Variants in ASTN2 observed in about 807,000 individuals in gnomAD.
The protein encoded by ASTN2 is astrotactin 2.
ASTN2 carries 54 observed loss-of-function variants against 139.8 expected under a neutral mutation model. That is an observed-to-expected ratio of 0.39 (90% CI 0.31 to 0.48). The LOEUF (loss-of-function observed/expected upper bound fraction) is 0.48. Ranked by LOEUF, ASTN2 falls within the 20% of genes least tolerant of loss-of-function variation. ASTN2 has a pLI of 0.95. For synonymous variants in ASTN2, 756 were observed against 719.5 expected (o/e 1.05, Z -0.81); for missense variants, 1,565 against 1,725.1 (o/e 0.91, Z 1.64).
chr9:117,201,338 A>C (rs1831710528), intron 3 of ASTN2, among the ~76,000 whole-genome samples: 1 of 151,904 alleles, frequency 6.6e-6, no homozygotes, highest in African/African-American at 2.4e-5. Flanking sequence ...GGATTCGTTC[A>C]GTTTTTGGAG....
At chr9:116,987,081 C>T (rs1836707814) in intron 7 of ASTN2, among the ~76,000 whole-genome samples, 1 of 152,222 alleles carries the variant, frequency 6.6e-6, no homozygotes, top group Non-Finnish European at 1.5e-5. Context: ...TGAGTTCCAA[C>T]CCACCCAGTG....
At chr9:116,507,508 C>G (rs966634608) in intron 19 of ASTN2, among the ~76,000 whole-genome samples, 2 of 152,154 alleles carry the variant, frequency 1.3e-5, no homozygotes. Flanking sequence ...AGTTGGTGGG[C>G]AGCCTGTTTG....
intron 4 of ASTN2, among the ~76,000 whole-genome samples, chr9:117,139,261 A>T (rs1830018786): frequency 6.6e-6 from 1 of 152,208 alleles, no homozygotes; most frequent in Non-Finnish European, 1.5e-5. Context: ...TGAACTTTCC[A>T]AGGTGGTCTA....
Position 116,784,419 on chromosome 9 carries a change from C to G in ASTN2, c.2396+21213G>C, listed in dbSNP as rs190675000. Among the ~76,000 whole-genome samples the G allele has an allele frequency of 1.6e-3, 247 of 152,294 alleles. 2 individuals are homozygous for G. The highest frequency in any genetic ancestry group is 3.4e-3 in the African/African-American group (143 of 41,566). On this transcript the variant is annotated intron_variant, in intron 13 of 22. Transcript: ENST00000313400. ...GTCCACAGACATGTTCAGTAAATAG[C>G]AAATATTGTCATCATTAATATTATT...
At chr9:117,291,639 C>T in intron 1 of ASTN2, 126 bp from the exon 2 acceptor site, 1 of 733,912 alleles carries the variant, frequency 1.4e-6, no homozygotes, top group African/African-American at 1.8e-5. Flanking sequence ...CCTTTCCTCA[C>T]ATCAAGTCTA....
At chr9:117,116,883 G>A (rs1431449006) in intron 4 of ASTN2, among the ~76,000 whole-genome samples, 6 of 128,234 alleles carry the variant, frequency 4.7e-5, no homozygotes, top group African/African-American at 8.8e-5. Context: ...CCCATTCATC[G>A]TTTAATTAGG....
chr9:116,590,259 T>TC (rs1854326048), intron 19 of ASTN2, among the ~76,000 whole-genome samples: 1 of 152,102 alleles, frequency 6.6e-6, no homozygotes, highest in African/African-American at 2.4e-5. Context: ...ATCACCCCCT[T>TC]CCCCCACAGG....
rs778383712 is a variant in ASTN2 at position 117,346,209 on chromosome 9, AG to A, written c.443-54697del. On this transcript the variant is annotated intron_variant, in intron 1 of 22. Transcript: ENST00000313400. ...CACCCTGTTATTCCATCAAGGTTTT[AG>A]TTACTTTTTTAAAAGGATTTGCATA... Among the ~76,000 whole-genome samples, 4 of 152,110 alleles carry A rather than the reference AG, an allele frequency of 2.6e-5. 1 individual carries two copies. Among genetic ancestry groups the A allele is most frequent in the Admixed American group, 2.6e-4 (4 of 15,254 alleles).
intron 1 of ASTN2, among the ~76,000 whole-genome samples, chr9:117,367,187 T>G (rs995426784): frequency 6.6e-6 from 1 of 152,158 alleles, no homozygotes; most frequent in East Asian, 1.9e-4. Context: ...GTGGCAACAA[T>G]AGTCAACAGA....
chr9:116,756,455 A>G (rs923747138), intron 13 of ASTN2, among the ~76,000 whole-genome samples: 1 of 152,210 alleles, frequency 6.6e-6, no homozygotes, highest in Admixed American at 6.5e-5. Flanking sequence ...AGTTATTAAC[A>G]TTCTCAATAA....
At chr9:117,306,433 TCTAC>T (rs1400509062) in intron 1 of ASTN2, among the ~76,000 whole-genome samples, 2 of 152,188 alleles carry the variant, frequency 1.3e-5, no homozygotes, top group African/African-American at 4.8e-5. Context: ...CTCTCTGTAC[TCTAC>T]CTGCCAGATT....
intron 1 of ASTN2, among the ~76,000 whole-genome samples, chr9:117,346,384 A>G (rs1401506312): frequency 1.3e-5 from 2 of 152,142 alleles, no homozygotes; most frequent in Admixed American, 1.3e-4. Context: ...TCAGATCTGT[A>G]TTATCCTACA....
At chr9:116,720,346 C>T (rs1004705474) in intron 16 of ASTN2, among the ~76,000 whole-genome samples, 1 of 152,194 alleles carries the variant, frequency 6.6e-6, no homozygotes, top group East Asian at 1.9e-4. Flanking sequence ...ATACCATGGA[C>T]TCTCCCAATC....
At chr9:117,251,316 G>C (rs560271072) in intron 2 of ASTN2, among the ~76,000 whole-genome samples, 1 of 149,496 alleles carries the variant, frequency 6.7e-6, no homozygotes, top group Non-Finnish European at 1.5e-5. Flanking sequence ...TGCTTTGTGC[G>C]ACACCCTTTA....
At chr9:117,411,446 CAAAAAA>C (rs199996219) in intron 1 of ASTN2, among the ~76,000 whole-genome samples, 9 of 43,238 alleles carry the variant, frequency 2.1e-4, no homozygotes, top group East Asian at 1.3e-3. Context: ...AAAGGATCTG[CAAAAAA>C]AAAAAAAAAA....
chr9:117,039,371 C>G (rs878977230), intron 6 of ASTN2, among the ~76,000 whole-genome samples: 1 of 151,802 alleles, frequency 6.6e-6, no homozygotes, highest in African/African-American at 2.4e-5. Context: ...TAAGTGGGAG[C>G]TGAACAATGA....
intron 16 of ASTN2, among the ~76,000 whole-genome samples, chr9:116,669,233 A>T (rs1859046420): frequency 6.6e-6 from 1 of 152,172 alleles, no homozygotes; most frequent in African/African-American, 2.4e-5. Flanking sequence ...TTCTGCATAA[A>T]TCACCCCTTA....
intron 5 of ASTN2, among the ~76,000 whole-genome samples, chr9:117,089,292 C>T (rs1228590605): frequency 6.6e-6 from 1 of 152,344 alleles, no homozygotes; most frequent in East Asian, 1.9e-4. Context: ...CATCTCCTGA[C>T]TCTGAGTCCA....
intron 19 of ASTN2, chr9:116,612,184 T>C (rs150704482): frequency 1.2e-3 from 182 of 152,278 alleles, no homozygotes; most frequent in African/African-American, 4.2e-3. Context: ...ATCCTAAATA[T>C]ATATGCACCC....
Sources: gnomAD v4.1 joint callset for allele counts (sites outside exome capture counted in the v4.1 genomes callset) on GRCh38, gnomAD v4.1.1 for gene constraint, MANE v1.5 for transcripts, NCBI Gene and HGNC (gene_info 2026-07-23, HGNC 2026-07-21) for gene names.